Variants in C13orf46 observed in about 807,000 individuals in gnomAD.
C13orf46 encodes chromosome 13 open reading frame 46, also known as uncharacterized protein C13orf46.
chr13:113,960,599 G>A (rs1423292729), intron 6 of C13orf46, among the ~76,000 whole-genome samples: 3 of 152,286 alleles, frequency 2.0e-5, no homozygotes, highest in South Asian at 2.1e-4. Context: ...TTTAAGCAAC[G>A]TTTTCCTTAA....
chr13:113,972,249 G>T (rs752105550), intron 1 of C13orf46, among the ~76,000 whole-genome samples: 28 of 152,222 alleles, frequency 1.8e-4, no homozygotes, highest in Non-Finnish European at 3.2e-4. Flanking sequence ...ATTCTTTTGA[G>T]AACTTTGCAC....
At chr13:113,962,057 G>T (rs903045270) in intron 6 of C13orf46, among the ~76,000 whole-genome samples, 3 of 152,166 alleles carry the variant, frequency 2.0e-5, no homozygotes, top group African/African-American at 7.2e-5. Context: ...GTGTTGGGCA[G>T]GTACAGGAAA....
At chr13:113,948,903 A>G (rs1471730315), downstream of C13orf46, among the ~76,000 whole-genome samples, 1 of 152,230 alleles carries the variant, frequency 6.6e-6, no homozygotes, top group Non-Finnish European at 1.5e-5. Flanking sequence ...GTCTGATTTC[A>G]TAACAACTCT....
chr13:113,952,400 C>T (rs1452971060), downstream of C13orf46, among the ~76,000 whole-genome samples: 2 of 145,040 alleles, frequency 1.4e-5, no homozygotes, highest in Admixed American at 6.9e-5. Context: ...TGCCCAGGGC[C>T]GCTGTGTGGC....
the C13orf46 span, among the ~76,000 whole-genome samples, chr13:113,931,014 T>TGGGTGAAGCAG: frequency 6.6e-6 from 1 of 152,152 alleles, no homozygotes; most frequent in African/African-American, 2.4e-5. Context: ...TGAGGGTCGC[T>TGGGTGAAGCAG]GGGTAGATGA....
At chr13:113,938,952 C>T in the C13orf46 span, among the ~76,000 whole-genome samples, 9 of 152,226 alleles carry the variant, frequency 5.9e-5, no homozygotes, top group South Asian at 2.1e-4. Context: ...ACAGCACCTG[C>T]GGCCTCCCTG....
At chr13:113,963,176 CG>C (rs1447454860) in intron 6 of C13orf46, among the ~76,000 whole-genome samples, 14 of 151,858 alleles carry the variant, frequency 9.2e-5, no homozygotes, top group East Asian at 1.9e-4. Context: ...TCAGCCTCCC[CG>C]CTATCCTCAG....
At chr13:113,937,382 C>T in the C13orf46 span, among the ~76,000 whole-genome samples, 1 of 152,160 alleles carries the variant, frequency 6.6e-6, no homozygotes, top group Admixed American at 6.5e-5. Flanking sequence ...CAGCCGTAAA[C>T]CCGCACAGGT....
At chr13:113,931,467 G>A in the C13orf46 span, among the ~76,000 whole-genome samples, 1 of 152,194 alleles carries the variant, frequency 6.6e-6, no homozygotes, top group East Asian at 1.9e-4. Flanking sequence ...GACGCCAAGT[G>A]GAAGGGAGTA....
the C13orf46 span, among the ~76,000 whole-genome samples, chr13:113,935,660 T>G: frequency 1.9e-3 from 296 of 152,350 alleles, 1 homozygote; most frequent in African/African-American, 6.4e-3. Context: ...CCACTCGGGT[T>G]ACCCACGGCA....
chr13:113,938,832 T>C, the C13orf46 span, among the ~76,000 whole-genome samples: 1 of 152,102 alleles, frequency 6.6e-6, no homozygotes, highest in Non-Finnish European at 1.5e-5. Context: ...GCCCAGCACG[T>C]CCTTCCAAAC....
rs1176860027 is a variant in C13orf46, at chr13:113,956,709, C to G, written c.*64G>C. 3.3e-5 allele frequency: 5 copies of G among 152,472 alleles called. No homozygotes were observed. Among genetic ancestry groups the G allele is most frequent in the African/African-American group, 1.2e-4 (5 of 41,442 alleles). 9.4% of individuals were successfully genotyped at this position (152,472 alleles called of 1,614,324 possible). On this transcript the variant is annotated 3_prime_UTR_variant, in exon 7 of 7. Coordinates refer to ENST00000636427, the MANE Select transcript of C13orf46 (RefSeq NM_001365455.2). ...CCCTCCGTCCCGCCTCCTGTGCCCCCAGCCCCTCTGCACCCCGTCTCCTTC... is the reference window on the plus strand; with the variant it reads ...CCCTCCGTCCCGCCTCCTGTGCCCCGAGCCCCTCTGCACCCCGTCTCCTTC...
intron 5 of C13orf46, among the ~76,000 whole-genome samples, chr13:113,966,092 A>G (rs1447697566): frequency 1.5e-4 from 14 of 95,438 alleles, no homozygotes; most frequent in African/African-American, 2.3e-4. Flanking sequence ...TGATGGTATT[A>G]ATGATGGTGA....
the C13orf46 span, among the ~76,000 whole-genome samples, chr13:113,946,502 G>A: frequency 6.6e-6 from 1 of 152,248 alleles, no homozygotes; most frequent in South Asian, 2.1e-4. Flanking sequence ...AGGAGGCTGT[G>A]TGGGTCGTCA....
intron 6 of C13orf46, 130 bp from the exon 7 acceptor site, chr13:113,956,969 C>T (rs999576012): frequency 2.0e-5 from 3 of 152,382 alleles, no homozygotes; most frequent in African/African-American, 4.8e-5. Flanking sequence ...GTGTATGCAC[C>T]CCCTTTCATC....
At chr13:113,972,173 C>T (rs957288770) in intron 1 of C13orf46, among the ~76,000 whole-genome samples, 1 of 152,176 alleles carries the variant, frequency 6.6e-6, no homozygotes, top group South Asian at 2.1e-4. Context: ...TGGCATCGGG[C>T]GGCATTATTG....
downstream of C13orf46, among the ~76,000 whole-genome samples, chr13:113,953,469 AC>A (rs2052497784): frequency 7.1e-6 from 1 of 140,818 alleles, no homozygotes; most frequent in Non-Finnish European, 1.5e-5. Flanking sequence ...TGTGACCCCC[AC>A]CCCACCAGAC....
chr13:113,969,574 C>T (rs1295977760), intron 2 of C13orf46, among the ~76,000 whole-genome samples: 1 of 152,210 alleles, frequency 6.6e-6, no homozygotes, highest in African/African-American at 2.4e-5. Flanking sequence ...GGACTTGGCC[C>T]GTGCCTTGCC....
intron 4 of C13orf46, among the ~76,000 whole-genome samples, chr13:113,968,193 A>G (rs1299352013): frequency 6.6e-6 from 1 of 152,192 alleles, no homozygotes; most frequent in African/African-American, 2.4e-5. Context: ...GCCAAGGTCA[A>G]GCTGAGGGCA....
Sources: allele counts gnomAD v4.1 joint callset (sites outside exome capture counted in the v4.1 genomes callset), GRCh38; gene constraint gnomAD v4.1.1; transcripts MANE v1.5; gene names NCBI Gene and HGNC (gene_info 2026-07-23, HGNC 2026-07-21).